The following ADAT2 variants were observed in gnomAD, a reference collection of about 807,000 sequenced individuals.
ADAT2 encodes the protein tRNA-specific adenosine-34 deaminase catalytic subunit ADAT2.
In ADAT2, 26 loss-of-function variants were observed where a neutral mutation model predicts 25.9. That is an observed-to-expected ratio of 1.00 (90% CI 0.74 to 1.39). The LOEUF (loss-of-function observed/expected upper bound fraction) is 1.39, where lower values mean the gene tolerates loss of function less well. ADAT2 is among the 40% of genes most tolerant of loss of function. The pLI, the probability that ADAT2 is intolerant of heterozygous loss-of-function variation, is 0.00. For synonymous variants in ADAT2, 76 were observed against 86.8 expected, an observed-to-expected ratio of 0.88 and a Z score of 0.69; for missense variants, 220 against 244.8, an observed-to-expected ratio of 0.90 and a Z score of 0.68.
rs1364444955 is a variant in ADAT2 at position 143,437,486 on chromosome 6, A to G, written c.201+1104T>C. Among the ~76,000 whole-genome samples the G allele has an allele frequency of 6.6e-6, 1 of 152,112 alleles. No homozygotes were observed. Among genetic ancestry groups the G allele is most frequent in the Non-Finnish European group, 1.5e-5 (1 of 68,022 alleles). ...ACTGATTTCTAAGAACTCATTTCTGATTAAGGATGTGAACATTTTGTCAAG... is the reference window on the plus strand; with the variant it reads ...ACTGATTTCTAAGAACTCATTTCTGGTTAAGGATGTGAACATTTTGTCAAG... On this transcript the variant is annotated intron_variant, in intron 2 of 5. Coordinates refer to ENST00000237283, the MANE Select transcript of ADAT2 (RefSeq NM_182503.3). The surrounding 1 kb of genome is among the most constrained non-coding windows in gnomAD (Gnocchi z 4.1).
rs1779146778 is a variant in ADAT2, at chr6:143,432,559, G to A, written c.405C>T (p.Gly135=). 6.2e-7 allele frequency: 1 copy of A among 1,614,196 alleles called. No homozygotes were observed. The change falls in exon 4 of 6, where the codon GGC becomes GGT. Residue 135 remains glycine, a synonymous_variant. Transcript: ENST00000237283. This position sits in a 1 kb window ranked among gnomAD's most constrained non-coding sequence, Gnocchi z 4.4. ...CAGCAGAGGCAATATTTAGAACAGA[G>A]CCACAACCACCAAATCGTTCATTCT... ...GCQNERFGGC[G]SVLNIASADL...
intron 4 of ADAT2, among the ~76,000 whole-genome samples, chr6:143,430,240 C>T (rs1403176170): frequency 6.6e-6 from 1 of 152,208 alleles, no homozygotes; most frequent in Admixed American, 6.5e-5. Flanking sequence ...ACTCCACTCG[C>T]ACACTCAGAG....
rs1021592167 is a variant in ADAT2, at chr6:143,426,869, C to A, written c.*1594G>T. On this transcript the variant is annotated 3_prime_UTR_variant, in exon 6 of 6. Transcript: ENST00000237283. The surrounding 1 kb of genome is among the most constrained non-coding windows in gnomAD (Gnocchi z 4.1). ...CCAGGTTGGTTGTCCTACAAATAAT[C>A]CCCAAGAAAATGATATGAACACAAT... 6.6e-6 allele frequency: 1 copy of A among 152,004 alleles called. No individual in the cohort carries two copies. Among genetic ancestry groups the A allele is most frequent in the Admixed American group, 6.6e-5 (1 of 15,246 alleles). The allele number at this position is 152,004 out of a possible 1,614,324, so 9.4% of individuals were successfully genotyped here.
intron 4 of ADAT2, among the ~76,000 whole-genome samples, chr6:143,430,026 T>C (rs1779058764): frequency 6.6e-6 from 1 of 152,194 alleles, no homozygotes; most frequent in African/African-American, 2.4e-5. Context: ...CCCAGGTCCC[T>C]ACTGACCAAA....
At chr6:143,431,237 T>G (rs1180578115) in intron 4 of ADAT2, among the ~76,000 whole-genome samples, 1 of 152,250 alleles carries the variant, frequency 6.6e-6, no homozygotes, top group Non-Finnish European at 1.5e-5. Context: ...GAACTTGTTT[T>G]GGTTCTGCTG....
At chr6:143,448,226 G>T (rs1779652567) in intron 1 of ADAT2, among the ~76,000 whole-genome samples, 1 of 151,740 alleles carries the variant, frequency 6.6e-6, no homozygotes, top group African/African-American at 2.4e-5. Context: ...ACAGGGTGGG[G>T]AACATCACAC....
rs1195733306 is a variant in ADAT2, at chr6:143,425,837, C to A, written c.*2626G>T. On this transcript the variant is annotated 3_prime_UTR_variant, in exon 6 of 6. Coordinates refer to ENST00000237283, the MANE Select transcript of ADAT2 (RefSeq NM_182503.3). ...TTTAAAGAAAAATTAAGAGTTCTTG[C>A]CTACACTGAAGCTCTTGGCCATCTA... The A allele has an allele frequency of 6.7e-6, 1 of 148,922 alleles. No individual in the cohort carries two copies. Among genetic ancestry groups the A allele is most frequent in the African/African-American group, 2.5e-5 (1 of 40,286 alleles). The allele number at this position is 148,922 out of a possible 1,614,324, so 9.2% of individuals were successfully genotyped here.
rs1164897578 is a variant in ADAT2, at chr6:143,446,545, T to C, written c.96+4018A>G. 6.6e-6 allele frequency among the ~76,000 whole-genome samples: 1 copy of C among 152,108 alleles called. No homozygotes were observed. Among genetic ancestry groups the C allele is most frequent in the South Asian group, 2.1e-4 (1 of 4,818 alleles). The stretch of plus-strand genomic sequence containing the variant: ...CAAACTATTACAAAATTGGGGAAAG[T>C]ATATGCCTCGGCAATTCACAGAAGA... On this transcript the variant is annotated intron_variant, in intron 1 of 5. Transcript: ENST00000237283. This position sits in a 1 kb window ranked among gnomAD's most constrained non-coding sequence, Gnocchi z 5.0.
At chr6:143,430,224 C>G (rs1233293817) in intron 4 of ADAT2, among the ~76,000 whole-genome samples, 8 of 152,206 alleles carry the variant, frequency 5.3e-5, no homozygotes, top group Non-Finnish European at 8.8e-5. Context: ...CCAGAGGTCC[C>G]CCTCCACTCC....
Position 143,432,207 on chromosome 6 carries a change from G to A in ADAT2, c.459+298C>T, listed in dbSNP as rs1042014918. ...TTCATTGAATAAAAACTCCAACAGC[G>A]AGAGTGTCTTCAGGCATACCTAACG... On this transcript the variant is annotated intron_variant, in intron 4 of 5. Transcript: ENST00000237283. This position sits in a 1 kb window ranked among gnomAD's most constrained non-coding sequence, Gnocchi z 4.4. Among the ~76,000 whole-genome samples the A allele has an allele frequency of 2.0e-5, 3 of 151,912 alleles. No homozygotes were observed. Among genetic ancestry groups the A allele is most frequent in the African/African-American group, 4.8e-5 (2 of 41,286 alleles).
At position 143,444,928 on chromosome 6, in the gene ADAT2, C is replaced by G; in HGVS notation, c.96+5635G>C. ...AAAAGGGGGAGAGATGGAAACAGAC[C>G]TTGTTTGCACACAGTTTGATGAGTC... On this transcript the variant is annotated intron_variant, in intron 1 of 5. Transcript: ENST00000237283. The surrounding 1 kb of genome is among the most constrained non-coding windows in gnomAD (Gnocchi z 4.3). 1.5e-6 allele frequency: 2 copies of G among 1,302,730 alleles called. No individual in the cohort carries two copies. Among genetic ancestry groups the G allele is most frequent in the Non-Finnish European group, 2.0e-6 (2 of 988,270 alleles). The allele number at this position is 1,302,730 out of a possible 1,614,324, so 80.7% of individuals were successfully genotyped here.
chr6:143,428,618 G>A lies in ADAT2; in HGVS notation c.526C>T (p.Pro176Ser). 1 of 1,613,998 alleles carries A rather than the reference G, an allele frequency of 6.2e-7. No homozygotes were observed. Among genetic ancestry groups the A allele is most frequent in the Non-Finnish European group, 8.5e-7 (1 of 1,179,954 alleles). The stretch of plus-strand genomic sequence containing the variant: ...TCCACAACAGAAAACTGACCATTTG[G>A]ATTTTCTTGTTTGTAGAAGGTCTTT... ...MLKTFYKQEN[P>S]NAPKSKVRKK... The change falls in exon 5 of 6, where the codon CCA (proline) becomes TCA (serine). Residue 176 changes from proline (P) to serine (S), a missense_variant. By Grantham distance (74) the Pro-to-Ser change is moderately conservative (BLOSUM62 -1). Transcript: ENST00000237283. The surrounding 1 kb of genome is among the most constrained non-coding windows in gnomAD (Gnocchi z 5.0).
chr6:143,438,544 C>T (rs1214764963), intron 2 of ADAT2, 46 bp downstream of exon 2: 2 of 1,450,304 alleles, frequency 1.4e-6, no homozygotes, highest in African/African-American at 2.8e-5. Flanking sequence ...CTCCAGTCCA[C>T]CCATCACTAC....
In ADAT2 at chr6:143,438,649, T is replaced by C. The variant is rs771890498; in HGVS notation, c.142A>G (p.Met48Val). Residue 48 changes from methionine (M) to valine (V), a missense_variant, in exon 2 of 6, where the codon ATG becomes GTG. Transcript: ENST00000237283. ...ENTEVPVGCL[M>V]VYNNEVVGKG... ...CCTACAACTTCATTGTTGTAGACCA[T>C]AAGACAGCCAACAGGAACTTCAGTA... The C allele has an allele frequency of 6.2e-6, 10 of 1,613,378 alleles. No individual in the cohort carries two copies. The African/African-American group carries it at 8.0e-5, about 13-fold the overall frequency.
rs35250658 is a variant in ADAT2 at position 143,439,346 on chromosome 6, C to CAAAA, written c.97-656_97-653dup. Among the ~76,000 whole-genome samples, 401 of 111,504 alleles carry CAAAA rather than the reference C, an allele frequency of 3.6e-3. 3 individuals are homozygous for CAAAA. Among genetic ancestry groups the CAAAA allele is most frequent in the African/African-American group, 8.6e-3 (256 of 29,894 alleles). The allele number at this position is 111,504 out of a possible 152,430, so 73.2% of individuals were successfully genotyped here. On this transcript the variant is annotated intron_variant, in intron 1 of 5. Transcript: ENST00000237283. Reference sequence around the variant, plus strand: ...TTTAAAAGAAGGGAATATGTGTCTACAAAAAAAAAAAAAAAAAGAAGAAGA... The same window carrying CAAAA: ...TTTAAAAGAAGGGAATATGTGTCTACAAAAAAAAAAAAAAAAAAAAAGAAGAAGA...
In ADAT2 at chr6:143,443,691, C is replaced by T. The variant is rs528137041; in HGVS notation, c.97-4997G>A. Among the ~76,000 whole-genome samples, 3 of 151,964 alleles carry T rather than the reference C, an allele frequency of 2.0e-5. No individual in the cohort carries two copies. In the East Asian group the frequency reaches 5.8e-4, roughly 29 times the overall value. On this transcript the variant is annotated intron_variant, in intron 1 of 5. Coordinates refer to ENST00000237283, the MANE Select transcript of ADAT2 (RefSeq NM_182503.3). ...ACTAAAAATACAAAAATTAGCTGGG[C>T]ATGGTGATGGGTGCCTGTAATCCTA...
intron 1 of ADAT2, among the ~76,000 whole-genome samples, chr6:143,450,253 T>A (rs541702477): frequency 6.6e-6 from 1 of 151,950 alleles, no homozygotes; most frequent in African/African-American, 2.4e-5. Context: ...CTTTGTAGAT[T>A]GGAGAGTGTG....
In ADAT2 at chr6:143,450,078, T is replaced by G. The variant is rs753087678; in HGVS notation, c.96+485A>C. Reference sequence around the variant, plus strand: ...GAAAGCCCCCTTTATTTCGCAGTCCTGAAGGGAGTGAGGGAAGGAAGTAAA... The same window carrying G: ...GAAAGCCCCCTTTATTTCGCAGTCCGGAAGGGAGTGAGGGAAGGAAGTAAA... On this transcript the variant is annotated intron_variant, in intron 1 of 5. Coordinates refer to ENST00000237283, the MANE Select transcript of ADAT2 (RefSeq NM_182503.3). 7.7e-4 allele frequency among the ~76,000 whole-genome samples: 117 copies of G among 152,236 alleles called. 2 individuals carry two copies. Among genetic ancestry groups the G allele is most frequent in the Admixed American group, 5.2e-3 (80 of 15,296 alleles).
In ADAT2 at chr6:143,425,899, G is replaced by A. The variant is rs1778921211; in HGVS notation, c.*2564C>T. 6.6e-6 allele frequency: 1 copy of A among 152,536 alleles called. No homozygotes were observed. The highest frequency in any genetic ancestry group is 2.4e-5 in the African/African-American group (1 of 41,388). 9.4% of individuals were successfully genotyped at this position (152,536 alleles called of 1,614,324 possible). A position where few individuals can be genotyped will look rare whatever the true frequency, so the allele number is the denominator to read the frequency against. ...TGATACTCCAAATACAACACAGGAA[G>A]AGATGGTTGTGCCAAGTAACAAGAA... On this transcript the variant is annotated 3_prime_UTR_variant, in exon 6 of 6. Coordinates refer to ENST00000237283, the MANE Select transcript of ADAT2 (RefSeq NM_182503.3).
Sources: gnomAD v4.1 joint callset for allele counts (sites outside exome capture counted in the v4.1 genomes callset) on GRCh38, gnomAD v4.1.1 for gene constraint, Gnocchi (gnomAD v3.1) non-coding constraint, MANE v1.5 for transcripts, NCBI Gene and HGNC (gene_info 2026-07-23, HGNC 2026-07-21) for gene names.